The following MAP2K4 variants were observed in gnomAD, a reference collection of about 807,000 sequenced individuals.
MAP2K4 encodes dual specificity mitogen-activated protein kinase kinase 4.
A neutral mutation model predicts 48.5 loss-of-function variants in MAP2K4; 4 were observed. The ratio of observed to expected loss-of-function variants is 0.08; its 90% CI spans 0.04 to 0.19. MAP2K4 has a LOEUF of 0.19. Ranked by LOEUF, MAP2K4 falls within the 10% of genes least tolerant of loss-of-function variation. The pLI is 1.00. For missense variants in MAP2K4, 258 were observed against 493.3 expected (o/e 0.52, Z 4.52); for synonymous variants, 166 against 173.1 (o/e 0.96, Z 0.32).
intron 8 of MAP2K4, 80 bp from the exon 9 acceptor site, chr17:12,129,059 A>T (rs1237616001): frequency 3.5e-6 from 5 of 1,409,718 alleles, no homozygotes; most frequent in Admixed American, 2.0e-5. Flanking sequence ...CTTGTAGTTT[A>T]GATTTTTTTG....
chr17:12,111,836 A>ATGACTAGGGGTTAAGT (rs11273576), intron 6 of MAP2K4, among the ~76,000 whole-genome samples: 1 of 151,978 alleles, frequency 6.6e-6, no homozygotes, highest in Non-Finnish European at 1.5e-5. Context: ...AAAGCACAAT[A>ATGACTAGGGGTTAAGT]TGCTCCTCTT....
At position 12,119,666 on chromosome 17, in the gene MAP2K4, C is replaced by T. The variant is rs1290046854; in HGVS notation, c.814-5628C>T. On this transcript the variant is annotated intron_variant, in intron 7 of 10. Transcript: ENST00000353533. ...GGTATATACCAAAAGGAATAGAAGT[C>T]ATTCTGTCATAAAGACACATACACA... 2.0e-5 allele frequency among the ~76,000 whole-genome samples: 3 copies of T among 152,330 alleles called. No individual in the cohort carries two copies. The East Asian group carries it at 5.8e-4, about 29-fold the overall frequency.
intron 3 of MAP2K4, among the ~76,000 whole-genome samples, chr17:12,091,618 A>G (rs1971566053): frequency 6.6e-6 from 1 of 152,100 alleles, no homozygotes; most frequent in Non-Finnish European, 1.5e-5. Context: ...AAAGCCAGAG[A>G]ACTGGGAATG....
At chr17:12,038,802 T>C (rs1005131800) in intron 1 of MAP2K4, among the ~76,000 whole-genome samples, 2 of 152,204 alleles carry the variant, frequency 1.3e-5, no homozygotes, top group Admixed American at 1.3e-4. Context: ...CAAAGTCATA[T>C]AGCTAATAAG....
At chr17:12,088,060 T>C (rs868590059) in intron 3 of MAP2K4, among the ~76,000 whole-genome samples, 3 of 152,178 alleles carry the variant, frequency 2.0e-5, no homozygotes, top group South Asian at 2.1e-4. Context: ...CTATGGTTTC[T>C]AGGATTTTCC....
At chr17:12,024,360 A>G (rs1254853714) in intron 1 of MAP2K4, among the ~76,000 whole-genome samples, 1 of 152,204 alleles carries the variant, frequency 6.6e-6, no homozygotes, top group Non-Finnish European at 1.5e-5. Context: ...TATGGCTTCT[A>G]ATCTGGCCAT....
intron 7 of MAP2K4, 71 bp from the exon 8 acceptor site, chr17:12,125,223 G>A (rs2151587390): frequency 9.0e-7 from 1 of 1,105,836 alleles, no homozygotes; most frequent in Non-Finnish European, 1.4e-6. Context: ...TGTCTACCCA[G>A]CTGTTGCTTC....
chr17:12,062,197 G>A (rs1030600774), intron 2 of MAP2K4, among the ~76,000 whole-genome samples: 1 of 151,608 alleles, frequency 6.6e-6, no homozygotes, highest in South Asian at 2.1e-4. Flanking sequence ...ATCTGTTTCC[G>A]GGATTTCATC....
At chr17:12,100,100 G>A (rs1971891101) in intron 4 of MAP2K4, among the ~76,000 whole-genome samples, 1 of 152,066 alleles carries the variant, frequency 6.6e-6, no homozygotes, top group Admixed American at 6.5e-5. Context: ...CTTCCCACAT[G>A]TAAAGTGTAC....
At chr17:12,141,024 T>G in intron 10 of MAP2K4, 123 bp from the exon 11 acceptor site, 1 of 658,308 alleles carries the variant, frequency 1.5e-6, no homozygotes, top group Non-Finnish European at 2.8e-6. Context: ...CTTGTAGTGT[T>G]GCGGTATTTC....
chr17:12,074,816 G>A (rs1056699727), intron 2 of MAP2K4, among the ~76,000 whole-genome samples: 1 of 152,196 alleles, frequency 6.6e-6, no homozygotes, highest in East Asian at 1.9e-4. Flanking sequence ...ATCACAGTTG[G>A]TGAACTCTTC....
chr17:12,031,313 T>C (rs1969430452), intron 1 of MAP2K4, among the ~76,000 whole-genome samples: 2 of 152,256 alleles, frequency 1.3e-5, no homozygotes, highest in African/African-American at 4.8e-5. Flanking sequence ...TTTTGATAAC[T>C]GGATAGGAAA....
At chr17:12,044,694 C>T (rs940462791) in intron 1 of MAP2K4, among the ~76,000 whole-genome samples, 6 of 152,224 alleles carry the variant, frequency 3.9e-5, no homozygotes, top group African/African-American at 1.4e-4. Flanking sequence ...GTTCAATTAT[C>T]ACACAGCTTA....
At chr17:12,023,075 A>T (rs1567620156) in intron 1 of MAP2K4, among the ~76,000 whole-genome samples, 1 of 152,214 alleles carries the variant, frequency 6.6e-6, no homozygotes, top group Non-Finnish European at 1.5e-5. Context: ...AGGAAAAAGG[A>T]CCTAAGACCT....
intron 4 of MAP2K4, among the ~76,000 whole-genome samples, chr17:12,105,434 C>A (rs1597472212): frequency 2.0e-5 from 3 of 152,154 alleles, no homozygotes; most frequent in South Asian, 2.1e-4. Context: ...AGAATGATAT[C>A]TTTTTATTTT....
chr17:12,054,806 T>C (rs1031290092), intron 1 of MAP2K4, 83 bp from the exon 2 acceptor site: 12 of 784,728 alleles, frequency 1.5e-5, no homozygotes, highest in Non-Finnish European at 2.3e-5. Flanking sequence ...TCTCTTGCCT[T>C]TTGGTGTGAC....
In MAP2K4 at chr17:12,081,823, G is replaced by A; in HGVS notation, c.393+293G>A. ...CTACTGCCAAGGTGAGTTCAGGCTG[G>A]GCGGCTGCACCCCTGGGAGCAGGGC... On this transcript the variant is annotated intron_variant, in intron 3 of 10. Transcript: ENST00000353533. This position sits in a 1 kb window ranked among gnomAD's most constrained non-coding sequence, Gnocchi z 4.2. 2.0e-6 allele frequency: 1 copy of A among 492,762 alleles called. No individual in the cohort carries two copies. Among genetic ancestry groups the A allele is most frequent in the Non-Finnish European group, 4.1e-6 (1 of 243,412 alleles). The allele number at this position is 492,762 out of a possible 1,614,324, so 30.5% of individuals were successfully genotyped here.
rs530594121 is a variant in MAP2K4 at position 12,069,088 on chromosome 17, C to G, written c.219-12268C>G. On this transcript the variant is annotated intron_variant, in intron 2 of 10. Coordinates refer to ENST00000353533, the MANE Select transcript of MAP2K4 (RefSeq NM_003010.4). ...TGGTAGTGCATGATGTTATAGAAATCTAGCATTGTTTCAAAGTGCAGTTGG... is the reference window on the plus strand; with the variant it reads ...TGGTAGTGCATGATGTTATAGAAATGTAGCATTGTTTCAAAGTGCAGTTGG... 2.0e-5 allele frequency among the ~76,000 whole-genome samples: 3 copies of G among 152,246 alleles called. No homozygotes were observed. The South Asian group carries it at 6.2e-4, about 32-fold the overall frequency.
At chr17:12,091,551 C>A (rs192235129) in intron 3 of MAP2K4, among the ~76,000 whole-genome samples, 2 of 152,038 alleles carry the variant, frequency 1.3e-5, no homozygotes, top group Non-Finnish European at 2.9e-5. Context: ...AGAAAAAATA[C>A]GCTTTTTGGA....
Sources: allele counts gnomAD v4.1 joint callset (sites outside exome capture counted in the v4.1 genomes callset), GRCh38; gene constraint gnomAD v4.1.1; non-coding constraint Gnocchi (gnomAD v3.1); transcripts MANE v1.5; gene names NCBI Gene and HGNC (gene_info 2026-07-23, HGNC 2026-07-21).